Variants in ZBTB40 observed in about 807,000 individuals in gnomAD.
ZBTB40 encodes zinc finger and BTB domain containing 40.
ZBTB40 carries 60 observed loss-of-function variants against 117.5 expected under a neutral mutation model. That is an observed-to-expected ratio of 0.51 (90% CI 0.41 to 0.63). The LOEUF (loss-of-function observed/expected upper bound fraction) is 0.63. ZBTB40 is among the 30% of genes least tolerant of loss of function. The probability of loss-of-function intolerance (pLI) is 0.00; values close to 1 mark genes in which losing one functional copy is unlikely to be tolerated. For missense variants in ZBTB40, 1,287 were observed against 1,498.5 expected, an observed-to-expected ratio of 0.86 and a Z score of 2.33; for synonymous variants, 525 against 577.1, an observed-to-expected ratio of 0.91 and a Z score of 1.29.
intron 1 of ZBTB40, among the ~76,000 whole-genome samples, chr1:22,464,818 G>A (rs543822769): frequency 4.6e-5 from 7 of 151,976 alleles, no homozygotes; most frequent in Non-Finnish European, 1.0e-4. Context: ...TTAGTATATC[G>A]AGAGCATTTT....
chr1:22,519,987 T>C (rs1284398115), intron 13 of ZBTB40, 74 bp from the exon 14 acceptor site: 4 of 1,348,324 alleles, frequency 3.0e-6, no homozygotes, highest in Non-Finnish European at 4.3e-6. Context: ...ACAACCAGTG[T>C]TTCACTGATG....
Position 22,433,301 on chromosome 1 carries a change from C to T in ZBTB40, c.-70+4287C>T, listed in dbSNP as rs367917765. On this transcript the variant is annotated intron_variant, in intron 1 of 8. Coordinates refer to the ZBTB40 transcript ENST00000650433. ...ACAAAAAATTAGCTAGGTGTGGTGG[C>T]GGGCGCCTGTAGTCCCAGCTACTCG... Among the ~76,000 whole-genome samples the T allele has an allele frequency of 4.6e-4, 70 of 150,958 alleles. No homozygotes were observed. In the East Asian group the frequency reaches 9.6e-3, roughly 21 times the overall value.
At position 22,512,150 on chromosome 1, in the gene ZBTB40, C is replaced by G; in HGVS notation, c.2461+16C>G. 2 of 1,612,072 alleles carry G rather than the reference C, an allele frequency of 1.2e-6. No homozygotes were observed. Among genetic ancestry groups the G allele is most frequent in the East Asian group, 4.5e-5 (2 of 44,882 alleles). ...CATGCCTCAGGTACGTTCAAGAAGG[C>G]AAAGGAACAGAGGATGATAATTGTG... On this transcript the variant is annotated intron_variant, in intron 11 of 17. Coordinates refer to ENST00000375647, the MANE Select transcript of ZBTB40 (RefSeq NM_014870.4).
intron 1 of ZBTB40, among the ~76,000 whole-genome samples, chr1:22,489,586 G>C (rs1214952596): frequency 2.0e-5 from 3 of 152,134 alleles, no homozygotes; most frequent in Admixed American, 2.0e-4. Flanking sequence ...GTCCTTCAAA[G>C]CTCCAATCTC....
chr1:22,530,414 A>G lies in ZBTB40; in HGVS notation c.*4018A>G, dbSNP rs767103089. On this transcript the variant is annotated 3_prime_UTR_variant, in exon 18 of 18. Transcript: ENST00000375647. ...CTCAGAGGCACAGCCAAAATTTAGA[A>G]GCTTGCTACTCCTACGACTCGGCCT... 6.6e-6 allele frequency: 1 copy of G among 152,278 alleles called. No homozygotes were observed. Among genetic ancestry groups the G allele is most frequent in the Non-Finnish European group, 1.5e-5 (1 of 68,030 alleles). The allele number at this position is 152,278 out of a possible 1,614,324, so 9.4% of individuals were successfully genotyped here.
In ZBTB40 at chr1:22,432,075, T is replaced by C. The variant is rs76001066; in HGVS notation, c.-70+3061T>C. Among the ~76,000 whole-genome samples the C allele has an allele frequency of 7.9e-3, 1,210 of 152,230 alleles. 5 individuals carry two copies. The highest frequency in any genetic ancestry group is 0.013 in the Non-Finnish European group (884 of 68,016). On this transcript the variant is annotated intron_variant, in intron 1 of 8. Coordinates refer to the ZBTB40 transcript ENST00000650433. ...TTATGCTGCTTTGTGACTCTGGGGGTAGACTCTGAACATTACTCCCATTTT... is the reference window on the plus strand; with the variant it reads ...TTATGCTGCTTTGTGACTCTGGGGGCAGACTCTGAACATTACTCCCATTTT...
chr1:22,521,058 G>A lies in ZBTB40; in HGVS notation c.3049-438G>A, dbSNP rs144932107. Among the ~76,000 whole-genome samples, 281 of 152,364 alleles carry A rather than the reference G, an allele frequency of 1.8e-3. 4 individuals carry two copies. The highest frequency in any genetic ancestry group is 0.01 in the Middle Eastern group (3 of 294). ...CACTCCTCCAGCAGCTTGCTCGGCTGTGCCCCAGCTCCCTGGGAAGCCGTG... is the reference window on the plus strand; with the variant it reads ...CACTCCTCCAGCAGCTTGCTCGGCTATGCCCCAGCTCCCTGGGAAGCCGTG... On this transcript the variant is annotated intron_variant, in intron 14 of 17. Transcript: ENST00000375647.
At chr1:22,464,739 C>T (rs1641211922) in intron 1 of ZBTB40, among the ~76,000 whole-genome samples, 1 of 152,170 alleles carries the variant, frequency 6.6e-6, no homozygotes, top group Non-Finnish European at 1.5e-5. Flanking sequence ...TATGTATATG[C>T]ATGCACACAT....
Position 22,507,989 on chromosome 1 carries a change from A to G in ZBTB40, c.1361-12A>G, listed in dbSNP as rs1351288812. On this transcript the variant is annotated splice_polypyrimidine_tract_variant and intron_variant, in intron 6 of 17. Transcript: ENST00000375647. ...TGCATCAAACATTATTGTTTTGCTA[A>G]TATCCTTACAGTCCAACCAAGCCCT... is the stretch of plus-strand genomic sequence containing the variant. The G allele has an allele frequency of 2.5e-6, 4 of 1,613,986 alleles. No homozygotes were observed. Among genetic ancestry groups the G allele is most frequent in the Non-Finnish European group, 3.4e-6 (4 of 1,180,032 alleles).
chr1:22,441,709 C>T (rs1022857314), intron 1 of ZBTB40, among the ~76,000 whole-genome samples: 5 of 152,072 alleles, frequency 3.3e-5, no homozygotes, highest in Non-Finnish European at 1.5e-5. Context: ...TCTCAAACTC[C>T]TGACCTCAGA....
intron 5 of ZBTB40, among the ~76,000 whole-genome samples, chr1:22,502,729 G>A (rs955875772): frequency 1.3e-5 from 2 of 152,052 alleles, no homozygotes; most frequent in African/African-American, 4.8e-5. Flanking sequence ...ATGGACGGAC[G>A]GACGGATGGA....
intron 1 of ZBTB40, among the ~76,000 whole-genome samples, chr1:22,443,248 G>C (rs560758628): frequency 6.6e-6 from 1 of 152,236 alleles, no homozygotes; most frequent in Non-Finnish European, 1.5e-5. Context: ...CATGGCCCGG[G>C]GTAGTCTCAA....
intron 3 of ZBTB40, among the ~76,000 whole-genome samples, chr1:22,495,368 T>C (rs1382743573): frequency 6.6e-6 from 1 of 152,172 alleles, no homozygotes; most frequent in Non-Finnish European, 1.5e-5. Flanking sequence ...TTTATATCAG[T>C]GTAATATCCC....
intron 1 of ZBTB40, among the ~76,000 whole-genome samples, chr1:22,471,652 A>T (rs937985876): frequency 5.3e-5 from 8 of 152,216 alleles, no homozygotes; most frequent in African/African-American, 1.9e-4. Context: ...AGCCTCAGGG[A>T]TATGGAAAAG....
At chr1:22,506,672 G>A (rs926607124) in intron 6 of ZBTB40, among the ~76,000 whole-genome samples, 12 of 152,136 alleles carry the variant, frequency 7.9e-5, no homozygotes, top group South Asian at 2.1e-4. Context: ...TCTGGTGTCC[G>A]TTCAGCTTGG....
At chr1:22,467,224 T>C (rs186464368) in intron 1 of ZBTB40, among the ~76,000 whole-genome samples, 12 of 152,338 alleles carry the variant, frequency 7.9e-5, no homozygotes, top group African/African-American at 2.9e-4. Context: ...CATTCTTTTT[T>C]ATCTGGAATT....
intron 9 of ZBTB40, among the ~76,000 whole-genome samples, chr1:22,509,832 C>T (rs189090396): frequency 2.7e-4 from 41 of 152,312 alleles, no homozygotes; most frequent in Admixed American, 3.9e-4. Flanking sequence ...AGGATTTGAA[C>T]CCAGCTTCCT....
chr1:22,521,212 AG>A (rs1639515533), intron 14 of ZBTB40, among the ~76,000 whole-genome samples: 1 of 152,184 alleles, frequency 6.6e-6, no homozygotes, highest in African/African-American at 2.4e-5. Flanking sequence ...CCAGCTCGCT[AG>A]GAAGACTCTA....
At position 22,513,167 on chromosome 1, in the gene ZBTB40, T is replaced by C. The variant is rs747775517; in HGVS notation, c.2668+37T>C. 5 of 1,601,432 alleles carry C rather than the reference T, an allele frequency of 3.1e-6. No homozygotes were observed. The highest frequency in any genetic ancestry group is 1.7e-5 in the Admixed American group (1 of 58,200). ...CACAGTTCATTTCTCCTGCAGACTTTCACTGCGAACTGCCTAAACCCCATT... is the reference window on the plus strand; with the variant it reads ...CACAGTTCATTTCTCCTGCAGACTTCCACTGCGAACTGCCTAAACCCCATT... On this transcript the variant is annotated intron_variant, in intron 12 of 17. Transcript: ENST00000375647. The surrounding 1 kb of genome is among the most constrained non-coding windows in gnomAD (Gnocchi z 4.9).
Sources: gnomAD v4.1 joint callset for allele counts (sites outside exome capture counted in the v4.1 genomes callset) on GRCh38, gnomAD v4.1.1 for gene constraint, Gnocchi (gnomAD v3.1) non-coding constraint, MANE v1.5 for transcripts, NCBI Gene and HGNC (gene_info 2026-07-23, HGNC 2026-07-21) for gene names.